ATP6V1B1: variants seen among roughly 807,000 people sequenced by gnomAD.
ATP6V1B1 encodes ATPase H+ transporting V1 subunit B1, also known as V-type proton ATPase subunit B, kidney isoform.
In ATP6V1B1, 41 loss-of-function variants were observed where a neutral mutation model predicts 62.1. The ratio of observed to expected loss-of-function variants is 0.66; its 90% CI spans 0.51 to 0.86. The LOEUF is 0.86. Ranked by LOEUF, ATP6V1B1 falls within the 40% of genes least tolerant of loss-of-function variation. The pLI, the probability that ATP6V1B1 is intolerant of heterozygous loss-of-function variation, is 0.00. For synonymous variants in ATP6V1B1, 253 were observed against 273.4 expected, an observed-to-expected ratio of 0.93 and a Z score of 0.74; for missense variants, 651 against 697.5, an observed-to-expected ratio of 0.93 and a Z score of 0.75.
At chr2:70,948,177 C>G (rs1331232717) in intron 2 of ATP6V1B1, 1 of 152,268 alleles carries the variant, frequency 6.6e-6, no homozygotes, top group Non-Finnish European at 1.5e-5. Flanking sequence ...CCACTCTCCT[C>G]TCCACTCTCC....
At chr2:70,944,160 A>G (rs1680087120) in intron 2 of ATP6V1B1, 1 of 1,287,132 alleles carries the variant, frequency 7.8e-7, no homozygotes. Context: ...GTCAATGCCA[A>G]CTAAATTTTC....
At chr2:70,948,095 C>T (rs1269234457) in intron 2 of ATP6V1B1, 2 of 152,356 alleles carry the variant, frequency 1.3e-5, no homozygotes, top group African/African-American at 4.8e-5. Flanking sequence ...GGCCCTTCCC[C>T]AGATCTGACC....
At chr2:70,943,439 C>T (rs1553416720) in intron 1 of ATP6V1B1, 1 of 680,558 alleles carries the variant, frequency 1.5e-6, no homozygotes, top group East Asian at 2.7e-5. Flanking sequence ...CCTGGCCCTC[C>T]CCCAGCCTCC....
At chr2:70,953,488 A>T (rs12991880) in intron 2 of ATP6V1B1, among the ~76,000 whole-genome samples, 60,526 of 151,980 alleles carry the variant, frequency 0.4, 12,407 homozygotes, top group Non-Finnish European at 0.43. Context: ...CTAGCCTTAC[A>T]TCCCTAAAAT....
intron 2 of ATP6V1B1, among the ~76,000 whole-genome samples, chr2:70,953,618 T>C (rs1004854063): frequency 3.3e-5 from 5 of 152,220 alleles, no homozygotes; most frequent in Non-Finnish European, 7.3e-5. Context: ...TGGGTTAATA[T>C]TTTGTTAGGA....
Position 70,964,539 on chromosome 2 carries a change from G to A in ATP6V1B1, c.1245G>A (p.Gln415=), listed in dbSNP as rs1558680752. The A allele has an allele frequency of 8.1e-6, 13 of 1,614,054 alleles. No homozygotes were observed. Among genetic ancestry groups the A allele is most frequent in the East Asian group, 2.2e-5 (1 of 44,872 alleles). ...TRKDHGDVSN[Q]LYACYAIGKD... ...AGGACCATGGAGATGTCTCCAACCA[G>A]CTGGTAAGGAGAAGAGGGTCCGGGG... Residue 415 remains glutamine, a synonymous_variant, in exon 12 of 14, where the codon CAG becomes CAA. Transcript: ENST00000234396.
intron 1 of ATP6V1B1, among the ~76,000 whole-genome samples, chr2:70,937,624 T>C (rs1679889316): frequency 6.6e-6 from 1 of 151,718 alleles, no homozygotes; most frequent in African/African-American, 2.4e-5. Flanking sequence ...CTTGCCAGTC[T>C]GTTGTGATGA....
At position 70,953,290 on chromosome 2, in the gene ATP6V1B1, C is replaced by G. The variant is rs142418215; in HGVS notation, c.175-4756C>G. On this transcript the variant is annotated intron_variant, in intron 2 of 13. Coordinates refer to ENST00000234396, the MANE Select transcript of ATP6V1B1 (RefSeq NM_001692.4). ...CTATGTAGGGTTTTTTGAGGATATT[C>G]TTTTTGGAGTTAAGAAATTTCCCTT... Among the ~76,000 whole-genome samples, 296 of 152,224 alleles carry G rather than the reference C, an allele frequency of 1.9e-3. 1 individual carries two copies. Among genetic ancestry groups the G allele is most frequent in the African/African-American group, 6.8e-3 (284 of 41,562 alleles).
chr2:70,942,010 G>A (rs1680016266), intron 1 of ATP6V1B1: 1 of 1,059,556 alleles, frequency 9.4e-7, no homozygotes, highest in Non-Finnish European at 1.1e-6. Context: ...ACTGGAGAAG[G>A]ACTGGGACTG....
At position 70,963,433 on chromosome 2, in the gene ATP6V1B1, T is replaced by C; in HGVS notation, c.1060+121T>C. 1.3e-6 allele frequency: 2 copies of C among 1,544,542 alleles called. No homozygotes were observed. ...CAGCAGCGCTTTTCCTCCATCGAGATAGACACTGCCCTTTCCTCCACCATC... is the reference window on the plus strand; with the variant it reads ...CAGCAGCGCTTTTCCTCCATCGAGACAGACACTGCCCTTTCCTCCACCATC... On this transcript the variant is annotated intron_variant, in intron 10 of 13. Transcript: ENST00000234396. The surrounding 1 kb of genome is among the most constrained non-coding windows in gnomAD (Gnocchi z 4.3).
intron 2 of ATP6V1B1, among the ~76,000 whole-genome samples, chr2:70,952,278 A>G (rs1265528536): frequency 6.6e-6 from 1 of 152,136 alleles, no homozygotes; most frequent in Non-Finnish European, 1.5e-5. Flanking sequence ...CCTGGCCAAC[A>G]TGGTGAAACC....
At chr2:70,964,597 G>A (rs1553420725) in intron 12 of ATP6V1B1, 55 bp downstream of exon 12, 3 of 1,609,818 alleles carry the variant, frequency 1.9e-6, no homozygotes, top group African/African-American at 2.7e-5. Context: ...GAAGCTGAAG[G>A]CCTGAGCCCC....
At chr2:70,936,144 C>T in intron 1 of ATP6V1B1, 72 bp downstream of exon 1, 8 of 1,494,482 alleles carry the variant, frequency 5.4e-6, no homozygotes, top group Non-Finnish European at 6.5e-6. Flanking sequence ...GTTCCCGGGC[C>T]CCGCTTCTTG....
At chr2:70,960,442 G>A (rs940703812) in intron 6 of ATP6V1B1, among the ~76,000 whole-genome samples, 2 of 152,190 alleles carry the variant, frequency 1.3e-5, no homozygotes, top group Non-Finnish European at 2.9e-5. Flanking sequence ...AGCAGCTGGT[G>A]TGACAAGGTC....
At chr2:70,960,370 A>T (rs1553419839) in intron 6 of ATP6V1B1, among the ~76,000 whole-genome samples, 1 of 152,126 alleles carries the variant, frequency 6.6e-6, no homozygotes, top group Non-Finnish European at 1.5e-5. Flanking sequence ...CCCTGCACTC[A>T]TCTTTACTCA....
intron 8 of ATP6V1B1, among the ~76,000 whole-genome samples, chr2:70,962,575 T>C (rs1025976818): frequency 6.6e-6 from 1 of 152,180 alleles, no homozygotes; most frequent in Non-Finnish European, 1.5e-5. Context: ...CCTTGGACAG[T>C]AGGCGAGGTG....
At chr2:70,940,894 C>CTTTTTT (rs145709258) in intron 1 of ATP6V1B1, 1 of 816,072 alleles carries the variant, frequency 1.2e-6, no homozygotes, top group African/African-American at 2.2e-5. Flanking sequence ...TTCTTTTTTT[C>CTTTTTT]TTTTTTCTTT....
intron 2 of ATP6V1B1, among the ~76,000 whole-genome samples, chr2:70,952,440 G>A (rs1680342876): frequency 6.6e-6 from 1 of 151,514 alleles, no homozygotes; most frequent in African/African-American, 2.4e-5. Context: ...TCCAGCCTGG[G>A]GGACAGAGTA....
chr2:70,945,742 A>ATATATATG (rs3982997), intron 2 of ATP6V1B1, among the ~76,000 whole-genome samples: 1 of 126,516 alleles, frequency 7.9e-6, no homozygotes, highest in African/African-American at 3.0e-5. Context: ...ATATATATAT[A>ATATATATG]GTTGTTAACT....
Sources: allele counts gnomAD v4.1 joint callset (sites outside exome capture counted in the v4.1 genomes callset), GRCh38; gene constraint gnomAD v4.1.1; non-coding constraint Gnocchi (gnomAD v3.1); transcripts MANE v1.5; gene names NCBI Gene and HGNC (gene_info 2026-07-23, HGNC 2026-07-21).